Variants in GPC5 observed in about 807,000 individuals in gnomAD.
GPC5 encodes glypican-5.
In GPC5, 47 loss-of-function variants were observed where a neutral mutation model predicts 53.9. The observed-to-expected ratio is 0.87, with a 90% CI of 0.69 to 1.11. The LOEUF (loss-of-function observed/expected upper bound fraction) is 1.11, where lower values mean the gene tolerates loss of function less well. GPC5 is among the 50% of genes most tolerant of loss of function. The probability of loss-of-function intolerance (pLI) is 0.00; values close to 1 mark genes in which losing one functional copy is unlikely to be tolerated. For missense variants in GPC5, 748 were observed against 713.1 expected, an observed-to-expected ratio of 1.05 and a Z score of -0.56; for synonymous variants, 286 against 263.3, an observed-to-expected ratio of 1.09 and a Z score of -0.84.
At chr13:91,974,058 G>A (rs1034646775) in intron 6 of GPC5, among the ~76,000 whole-genome samples, 4 of 152,274 alleles carry the variant, frequency 2.6e-5, no homozygotes, top group South Asian at 2.1e-4. Context: ...CTGTCTTTTC[G>A]TTTGTCTTTG....
At chr13:92,002,923 A>G (rs1338018272) in intron 6 of GPC5, among the ~76,000 whole-genome samples, 3 of 152,222 alleles carry the variant, frequency 2.0e-5, no homozygotes, top group Non-Finnish European at 4.4e-5. Flanking sequence ...CTATGTTGTT[A>G]CTTAGAAACA....
At chr13:92,562,785 G>A (rs929861318) in intron 7 of GPC5, among the ~76,000 whole-genome samples, 11 of 151,988 alleles carry the variant, frequency 7.2e-5, no homozygotes, top group East Asian at 1.9e-4. Flanking sequence ...GTTTGACTTC[G>A]TCTTTTATGC....
chr13:92,000,230 C>T (rs896643762), intron 6 of GPC5, among the ~76,000 whole-genome samples: 13 of 151,602 alleles, frequency 8.6e-5, no homozygotes, highest in African/African-American at 2.7e-4. Context: ...GTGGTTTCTC[C>T]GAGACACTGA....
chr13:92,842,881 G>A (rs1383193443), intron 7 of GPC5, among the ~76,000 whole-genome samples: 3 of 151,912 alleles, frequency 2.0e-5, no homozygotes, highest in Non-Finnish European at 2.9e-5. Flanking sequence ...CAAAACTAAG[G>A]AAAAGTATGA....
chr13:91,967,078 C>T (rs1240917514), intron 6 of GPC5, among the ~76,000 whole-genome samples: 2 of 152,294 alleles, frequency 1.3e-5, no homozygotes, highest in East Asian at 1.9e-4. Flanking sequence ...CACAGTTCTA[C>T]GTGGCTGGGG....
At chr13:91,617,634 C>T (rs908460167) in intron 2 of GPC5, among the ~76,000 whole-genome samples, 1 of 152,050 alleles carries the variant, frequency 6.6e-6, no homozygotes. Flanking sequence ...CTCCCTCCCT[C>T]TCTCCCTCCC....
rs767164198 is a variant in GPC5 at position 92,444,906 on chromosome 13, G to A, written c.1561+299917G>A. Among the ~76,000 whole-genome samples, 73 of 152,114 alleles carry A rather than the reference G, an allele frequency of 4.8e-4. 1 individual carries two copies. Among genetic ancestry groups the A allele is most frequent in the Admixed American group, 3.0e-3 (46 of 15,262 alleles). ...CAAGCTGAAAAAGACAGAATTGTTT[G>A]AATAGATGTGGCAGTTAGAAAAATA... On this transcript the variant is annotated intron_variant, in intron 7 of 7. Coordinates refer to ENST00000377067, the MANE Select transcript of GPC5 (RefSeq NM_004466.6).
intron 7 of GPC5, among the ~76,000 whole-genome samples, chr13:92,789,845 C>A (rs1055044156): frequency 2.0e-5 from 3 of 152,240 alleles, no homozygotes; most frequent in South Asian, 4.1e-4. Flanking sequence ...AATAGGGTAT[C>A]TGCAAGCTGA....
rs147932250 is a variant in GPC5 at position 91,654,712 on chromosome 13, G to A, written c.326-38475G>A. 1.4e-4 allele frequency among the ~76,000 whole-genome samples: 21 copies of A among 152,216 alleles called. No homozygotes were observed. The East Asian group carries it at 3.5e-3, about 25-fold the overall frequency. On this transcript the variant is annotated intron_variant, in intron 2 of 7. Coordinates refer to ENST00000377067, the MANE Select transcript of GPC5 (RefSeq NM_004466.6). Reference sequence around the variant, plus strand: ...TATTGCAAATTGTATTTACTGCAGTGCATTTAGCACAATGCCTGGCTCTTC... The same window carrying A: ...TATTGCAAATTGTATTTACTGCAGTACATTTAGCACAATGCCTGGCTCTTC...
intron 2 of GPC5, among the ~76,000 whole-genome samples, chr13:91,665,642 G>A (rs112147428): frequency 0.25 from 38,183 of 151,794 alleles, 6,675 homozygotes; most frequent in African/African-American, 0.49. Flanking sequence ...AGCTGAGACT[G>A]CAGGCGCCCA....
intron 7 of GPC5, among the ~76,000 whole-genome samples, chr13:92,473,451 T>A (rs1878985382): frequency 6.6e-6 from 1 of 152,152 alleles, no homozygotes; most frequent in African/African-American, 2.4e-5. Context: ...CCTGTGCTTT[T>A]TGGACTAATG....
chr13:91,953,101 G>A (rs982307751), intron 6 of GPC5, among the ~76,000 whole-genome samples: 4 of 152,110 alleles, frequency 2.6e-5, no homozygotes, highest in African/African-American at 9.7e-5. Flanking sequence ...ATGGGATGAG[G>A]AAAATTAAAT....
intron 7 of GPC5, among the ~76,000 whole-genome samples, chr13:92,693,713 G>T (rs1887478424): frequency 1.3e-5 from 2 of 152,128 alleles, no homozygotes; most frequent in African/African-American, 4.8e-5. Context: ...AGGGAAGAGA[G>T]CATAAAAGTT....
intron 6 of GPC5, among the ~76,000 whole-genome samples, chr13:92,063,689 C>G (rs956651236): frequency 6.6e-6 from 1 of 151,962 alleles, no homozygotes; most frequent in Admixed American, 6.6e-5. Flanking sequence ...CTCTTTTGAG[C>G]TATAATGAGC....
chr13:92,784,282 T>C (rs1876134991), intron 7 of GPC5, among the ~76,000 whole-genome samples: 1 of 152,154 alleles, frequency 6.6e-6, no homozygotes, highest in Admixed American at 6.5e-5. Context: ...TCTATGATAA[T>C]TATAATTAGT....
chr13:91,891,028 T>C (rs1034731817), intron 5 of GPC5, among the ~76,000 whole-genome samples: 1 of 152,188 alleles, frequency 6.6e-6, no homozygotes, highest in Non-Finnish European at 1.5e-5. Flanking sequence ...AAAATTAATC[T>C]AATTTCAACT....
chr13:92,467,222 G>A (rs781351763), intron 7 of GPC5, among the ~76,000 whole-genome samples: 8 of 152,014 alleles, frequency 5.3e-5, no homozygotes, highest in South Asian at 2.1e-4. Context: ...CTTTTTCTTC[G>A]GAGCTTTTCA....
At chr13:92,362,373 C>T (rs553896560) in intron 7 of GPC5, among the ~76,000 whole-genome samples, 1 of 151,650 alleles carries the variant, frequency 6.6e-6, no homozygotes, top group African/African-American at 2.4e-5. Context: ...ATAAGTGAAA[C>T]TTTTGATAAA....
chr13:92,392,357 A>G (rs1875045918), intron 7 of GPC5, among the ~76,000 whole-genome samples: 1 of 152,150 alleles, frequency 6.6e-6, no homozygotes, highest in African/African-American at 2.4e-5. Flanking sequence ...ATATGCAGAA[A>G]GTTGGAGCTG....
Sources: allele counts gnomAD v4.1 joint callset (sites outside exome capture counted in the v4.1 genomes callset), GRCh38; gene constraint gnomAD v4.1.1; transcripts MANE v1.5; gene names NCBI Gene and HGNC (gene_info 2026-07-23, HGNC 2026-07-21).